EIF4E3: variants seen among roughly 807,000 people sequenced by gnomAD.
The protein encoded by EIF4E3 is eukaryotic translation initiation factor 4E type 3.
Under a neutral mutation model 31.7 loss-of-function variants are expected in EIF4E3, and 26 were observed. The ratio of observed to expected loss-of-function variants is 0.82; its 90% confidence interval spans 0.60 to 1.14. EIF4E3 has a LOEUF of 1.14. Among genes scored for constraint, EIF4E3 ranks in the 50% most tolerant of loss-of-function variants. The pLI is 0.00. For missense variants in EIF4E3, 304 were observed against 270.9 expected (o/e 1.12, Z -0.86); for synonymous variants, 128 against 107.7 (o/e 1.19, Z -1.17).
At chr3:71,692,951 G>A (rs1479814722) in intron 5 of EIF4E3, among the ~76,000 whole-genome samples, 1 of 152,160 alleles carries the variant, frequency 6.6e-6, no homozygotes, top group Non-Finnish European at 1.5e-5. Flanking sequence ...AACAGAAGTG[G>A]AATGATTGGA....
At position 71,677,321 on chromosome 3, in the gene EIF4E3, T is replaced by C. The variant is rs1293076442; in HGVS notation, c.*7361A>G. ...ACAAAAGAACCATCGTCTTGTAGGA[T>C]TCCAGAGATTTTTTTATGCATTCAT... On this transcript the variant is annotated 3_prime_UTR_variant, in exon 7 of 7. Transcript: ENST00000425534. The C allele has an allele frequency of 2.0e-5, 3 of 152,184 alleles. No individual in the cohort carries two copies. The highest frequency in any genetic ancestry group is 1.3e-4 in the Admixed American group (2 of 15,286). The allele number at this position is 152,184 out of a possible 1,614,324, so 9.4% of individuals were successfully genotyped here. A position where few individuals can be genotyped will look rare whatever the true frequency, so the allele number is the denominator to read the frequency against.
At position 71,684,875 on chromosome 3, in the gene EIF4E3, C is replaced by T. The variant is rs1023203972; in HGVS notation, c.629-147G>A. 3 of 755,520 alleles carry T rather than the reference C, an allele frequency of 4.0e-6. No homozygotes were observed. In the African/African-American group the frequency reaches 5.3e-5, roughly 13 times the overall value. 46.8% of individuals were successfully genotyped at this position (755,520 alleles called of 1,614,324 possible). On this transcript the variant is annotated intron_variant, in intron 6 of 6. Transcript: ENST00000425534. ...CTTATTTATTTATTTATTTTTTTGC[C>T]AGTAACTGTTAGCTAAGGCGTGCAT... is the stretch of plus-strand genomic sequence containing the variant.
chr3:71,753,970 G>A (rs969125072), upstream of EIF4E3: 7 of 1,037,802 alleles, frequency 6.7e-6, no homozygotes, highest in African/African-American at 1.2e-4. Context: ...CGGAGCGGCG[G>A]AGCTCGGGCC....
At chr3:71,723,826 T>C (rs1489549704) in intron 1 of EIF4E3, among the ~76,000 whole-genome samples, 1 of 152,098 alleles carries the variant, frequency 6.6e-6, no homozygotes, top group Non-Finnish European at 1.5e-5. Context: ...TAGCATCCCA[T>C]AATGAAAGTG....
chr3:71,747,505 C>T (rs6802111), intron 1 of EIF4E3, among the ~76,000 whole-genome samples: 29,312 of 152,080 alleles, frequency 0.19, 2,867 homozygotes, highest in East Asian at 0.31. Flanking sequence ...TCTTTATATA[C>T]TCTGGATACA....
At chr3:71,736,673 C>T (rs2049766800) in intron 1 of EIF4E3, among the ~76,000 whole-genome samples, 1 of 152,030 alleles carries the variant, frequency 6.6e-6, no homozygotes, top group South Asian at 2.1e-4. Context: ...AATGAATAGG[C>T]GGAGCAAAGA....
At chr3:71,697,294 T>C (rs1559594001) in intron 3 of EIF4E3, among the ~76,000 whole-genome samples, 3 of 152,202 alleles carry the variant, frequency 2.0e-5, no homozygotes, top group Admixed American at 6.5e-5. Context: ...GTGCTGGGAT[T>C]ACAGGCATGA....
intron 1 of EIF4E3, among the ~76,000 whole-genome samples, chr3:71,719,285 T>C (rs1373817642): frequency 6.6e-6 from 1 of 152,240 alleles, no homozygotes; most frequent in African/African-American, 2.4e-5. Context: ...TCAATTGATA[T>C]GATCAATACC....
At position 71,681,935 on chromosome 3, in the gene EIF4E3, C is replaced by T. The variant is rs1353002311; in HGVS notation, c.*2747G>A. 6.6e-6 allele frequency: 1 copy of T among 152,078 alleles called. No homozygotes were observed. The highest frequency in any genetic ancestry group is 2.4e-5 in the African/African-American group (1 of 41,376). 9.4% of individuals were successfully genotyped at this position (152,078 alleles called of 1,614,324 possible). On this transcript the variant is annotated 3_prime_UTR_variant, in exon 7 of 7. Coordinates refer to ENST00000425534, the MANE Select transcript of EIF4E3 (RefSeq NM_001134651.2). ...TTCATAAAGTGTACCACGAATCTAACAGCAATATTATATTAAATGTACATG... is the reference window on the plus strand; with the variant it reads ...TTCATAAAGTGTACCACGAATCTAATAGCAATATTATATTAAATGTACATG...
chr3:71,753,636 G>GGAGGGGGCTCCGCGGCGGCGGC (rs2049959985), upstream of EIF4E3: 4 of 148,498 alleles, frequency 2.7e-5, no homozygotes, highest in South Asian at 7.1e-4. Flanking sequence ...CCGGCGGAGG[G>GGAGGGGGCTCCGCGGCGGCGGC]GAGGGGGCTC....
At chr3:71,694,948 T>C (rs1447907) in intron 4 of EIF4E3, among the ~76,000 whole-genome samples, 10,199 of 152,258 alleles carry the variant, frequency 0.067, 1,164 homozygotes, top group African/African-American at 0.23. Context: ...AAGTGCTCAA[T>C]ACATATTAAC....
At chr3:71,726,232 T>A (rs1182808236), upstream of EIF4E3, among the ~76,000 whole-genome samples, 42 of 152,092 alleles carry the variant, frequency 2.8e-4, no homozygotes, top group Admixed American at 2.7e-3. Context: ...TTTCCCAAAA[T>A]CAGCCAAAGT....
intron 6 of EIF4E3, among the ~76,000 whole-genome samples, chr3:71,688,339 TA>T (rs2049019836): frequency 1.3e-5 from 2 of 152,240 alleles, no homozygotes; most frequent in South Asian, 4.1e-4. Context: ...ATAAAACAGA[TA>T]TCTTATTATC....
chr3:71,721,369 T>C (rs2049545804), intron 1 of EIF4E3, among the ~76,000 whole-genome samples: 1 of 152,236 alleles, frequency 6.6e-6, no homozygotes, highest in South Asian at 2.1e-4. Context: ...GTGGTAATGC[T>C]ATGGAGAAAA....
intron 5 of EIF4E3, among the ~76,000 whole-genome samples, chr3:71,693,514 T>G (rs1197707306): frequency 2.0e-5 from 3 of 152,282 alleles, no homozygotes; most frequent in Non-Finnish European, 4.4e-5. Context: ...GAACAGATAA[T>G]GGAACCTACT....
the EIF4E3 span, among the ~76,000 whole-genome samples, chr3:71,664,109 A>G: frequency 6.6e-6 from 1 of 152,118 alleles, no homozygotes; most frequent in African/African-American, 2.4e-5. Flanking sequence ...GGGCTAATGG[A>G]GGATCAGGAC....
At chr3:71,673,931 A>AT (rs879460557), downstream of EIF4E3, among the ~76,000 whole-genome samples, 5,708 of 124,134 alleles carry the variant, frequency 0.046, 146 homozygotes, top group East Asian at 0.26. Context: ...ATATATATAT[A>AT]AAAAACATAA....
intron 5 of EIF4E3, among the ~76,000 whole-genome samples, chr3:71,693,472 A>G (rs531578094): frequency 6.6e-6 from 1 of 152,294 alleles, no homozygotes; most frequent in South Asian, 2.1e-4. Context: ...TTCACTAGAC[A>G]CTGAAGACAC....
chr3:71,752,949 G>A (rs1469636663), intron 1 of EIF4E3, among the ~76,000 whole-genome samples: 1 of 152,190 alleles, frequency 6.6e-6, no homozygotes, highest in Non-Finnish European at 1.5e-5. Flanking sequence ...CTGGGAGGAA[G>A]GTGGCATAGG....
Sources: gnomAD v4.1 joint callset for allele counts (sites outside exome capture counted in the v4.1 genomes callset) on GRCh38, gnomAD v4.1.1 for gene constraint, MANE v1.5 for transcripts, NCBI Gene and HGNC (gene_info 2026-07-23, HGNC 2026-07-21) for gene names.